The following MACROD2 variants were observed in gnomAD, a reference collection of about 807,000 sequenced individuals.
MACROD2 encodes the protein ADP-ribose glycohydrolase MACROD2.
MACROD2 carries 36 observed loss-of-function variants against 70.4 expected under a neutral mutation model. The observed-to-expected ratio is 0.51, with a 90% CI of 0.39 to 0.68. MACROD2 has a LOEUF of 0.68. Among genes scored for constraint, MACROD2 ranks in the 30% least tolerant of loss-of-function variants. MACROD2 has a pLI of 0.00. For missense variants in MACROD2, 496 were observed against 538.4 expected, an observed-to-expected ratio of 0.92 and a Z score of 0.78; for synonymous variants, 172 against 178.8, an observed-to-expected ratio of 0.96 and a Z score of 0.30.
At chr20:14,270,440 T>C (rs1186343381) in intron 3 of MACROD2, among the ~76,000 whole-genome samples, 1 of 152,024 alleles carries the variant, frequency 6.6e-6, no homozygotes, top group Non-Finnish European at 1.5e-5. Flanking sequence ...AACACAAAAA[T>C]TAGCTGGTTG....
At chr20:14,996,720 T>A (rs1413409590) in intron 5 of MACROD2, among the ~76,000 whole-genome samples, 2 of 152,098 alleles carry the variant, frequency 1.3e-5, no homozygotes, top group Non-Finnish European at 2.9e-5. Context: ...TGTAGGACTT[T>A]ACATTGCAAC....
At chr20:15,178,468 G>T (rs991880094) in intron 5 of MACROD2, among the ~76,000 whole-genome samples, 2 of 152,184 alleles carry the variant, frequency 1.3e-5, no homozygotes, top group African/African-American at 4.8e-5. Context: ...ATTGGAAGTG[G>T]ATTTGCCTAG....
intron 8 of MACROD2, among the ~76,000 whole-genome samples, chr20:15,680,062 G>A (rs1033821571): frequency 1.6e-4 from 25 of 152,270 alleles, no homozygotes; most frequent in African/African-American, 5.1e-4. Context: ...CATGGAACCC[G>A]TGGGGACAGT....
intron 5 of MACROD2, among the ~76,000 whole-genome samples, chr20:14,953,851 C>T (rs2074495883): frequency 6.6e-6 from 1 of 152,098 alleles, no homozygotes; most frequent in Admixed American, 6.5e-5. Context: ...CTCTTGTCAG[C>T]CAATTCATAA....
rs1235828303 is a variant in MACROD2, at chr20:15,289,443, T to C, written c.540+59382T>C. ...TAAAGGAAGGATCTTATGGGTTTGC[T>C]TGTTAGAGTCAGGGAAACCTTCAAA... is the stretch of plus-strand genomic sequence containing the variant. On this transcript the variant is annotated intron_variant, in intron 6 of 17. Transcript: ENST00000684519. Among the ~76,000 whole-genome samples the C allele has an allele frequency of 3.9e-5, 6 of 152,166 alleles. No individual in the cohort carries two copies. The South Asian group carries it at 6.2e-4, about 16-fold the overall frequency.
At chr20:14,854,326 T>G (rs1042796066) in intron 5 of MACROD2, among the ~76,000 whole-genome samples, 2 of 152,310 alleles carry the variant, frequency 1.3e-5, no homozygotes, top group Admixed American at 1.3e-4. Flanking sequence ...TTGAATTTGC[T>G]TTATAAAAAA....
At chr20:14,805,051 C>T (rs1436295008) in intron 5 of MACROD2, among the ~76,000 whole-genome samples, 2 of 151,864 alleles carry the variant, frequency 1.3e-5, no homozygotes, top group African/African-American at 2.4e-5. Flanking sequence ...TCAGTGGGTC[C>T]GTGGATCCTC....
chr20:14,663,600 C>CAT (rs151193908), intron 4 of MACROD2, among the ~76,000 whole-genome samples: 1,977 of 150,638 alleles, frequency 0.013, 42 homozygotes, highest in African/African-American at 0.044. Context: ...ATATAATGGT[C>CAT]ATATATATAT....
chr20:15,003,766 G>A (rs1037442423), intron 5 of MACROD2, among the ~76,000 whole-genome samples: 12 of 152,116 alleles, frequency 7.9e-5, no homozygotes, highest in African/African-American at 2.9e-4. Context: ...GAAGCCTGAG[G>A]CCTGCTAAGG....
chr20:15,057,390 T>A (rs2075495295), intron 5 of MACROD2, among the ~76,000 whole-genome samples: 1 of 152,212 alleles, frequency 6.6e-6, no homozygotes, highest in South Asian at 2.1e-4. Flanking sequence ...CTAGTTGGGA[T>A]GCTGTCCTCC....
intron 3 of MACROD2, among the ~76,000 whole-genome samples, chr20:14,379,901 A>C (rs1186000209): frequency 6.6e-6 from 1 of 152,134 alleles, no homozygotes; most frequent in African/African-American, 2.4e-5. Flanking sequence ...GGCTATGATG[A>C]ATAATGTGGC....
At chr20:15,531,460 A>G (rs1399232078) in intron 8 of MACROD2, among the ~76,000 whole-genome samples, 1 of 152,134 alleles carries the variant, frequency 6.6e-6, no homozygotes, top group Non-Finnish European at 1.5e-5. Context: ...TGTCACCTCT[A>G]AGATTTAACG....
chr20:14,478,277 G>A (rs2084621017), intron 3 of MACROD2, among the ~76,000 whole-genome samples: 1 of 152,238 alleles, frequency 6.6e-6, no homozygotes, highest in Admixed American at 6.5e-5. Context: ...ACTGGGCAGA[G>A]GACCAAGACT....
intron 5 of MACROD2, among the ~76,000 whole-genome samples, chr20:14,740,004 T>G (rs991173630): frequency 2.0e-5 from 3 of 152,062 alleles, no homozygotes; most frequent in Non-Finnish European, 4.4e-5. Flanking sequence ...TATGTACATA[T>G]AGAGAAAGAA....
intron 5 of MACROD2, among the ~76,000 whole-genome samples, chr20:15,069,485 A>T (rs932439659): frequency 6.6e-6 from 1 of 152,180 alleles, no homozygotes; most frequent in Non-Finnish European, 1.5e-5. Context: ...TCAGAACTCT[A>T]GGCTGCCCTT....
At chr20:14,865,742 T>C (rs1482590906) in intron 5 of MACROD2, among the ~76,000 whole-genome samples, 2 of 152,172 alleles carry the variant, frequency 1.3e-5, no homozygotes, top group African/African-American at 4.8e-5. Context: ...TTAGTTCAAC[T>C]CTTTCTTTAT....
intron 6 of MACROD2, among the ~76,000 whole-genome samples, chr20:15,410,392 G>T (rs1254846184): frequency 6.6e-6 from 1 of 152,044 alleles, no homozygotes; most frequent in Non-Finnish European, 1.5e-5. Flanking sequence ...TTGTTAATGG[G>T]TTACCTTCCT....
intron 5 of MACROD2, among the ~76,000 whole-genome samples, chr20:15,206,669 A>G (rs560176341): frequency 2.0e-5 from 3 of 149,674 alleles, no homozygotes; most frequent in Admixed American, 6.6e-5. Context: ...ACCATACACA[A>G]TGTACTCTTT....
At chr20:14,588,880 T>A (rs1367718991) in intron 4 of MACROD2, among the ~76,000 whole-genome samples, 4 of 152,248 alleles carry the variant, frequency 2.6e-5, no homozygotes, top group Non-Finnish European at 5.9e-5. Context: ...GTCATTAATT[T>A]CCAAGTAACT....
Sources: allele counts gnomAD v4.1 joint callset (sites outside exome capture counted in the v4.1 genomes callset), GRCh38; gene constraint gnomAD v4.1.1; transcripts MANE v1.5; gene names NCBI Gene and HGNC (gene_info 2026-07-23, HGNC 2026-07-21).